The following AP2A2 variants were observed in gnomAD, a reference collection of about 807,000 sequenced individuals.
AP2A2 encodes the protein AP-2 complex subunit alpha-2.
Under a neutral mutation model 104.2 loss-of-function variants are expected in AP2A2, and 32 were observed. That is an observed-to-expected ratio of 0.31 (90% confidence interval 0.23 to 0.41). The LOEUF (loss-of-function observed/expected upper bound fraction) is 0.41. Among genes scored for constraint, AP2A2 ranks in the 10% least tolerant of loss-of-function variants. The pLI, the probability that AP2A2 is intolerant of heterozygous loss-of-function variation, is 1.00. For missense variants in AP2A2, 912 were observed against 1,261.0 expected (o/e 0.72, Z 4.19); for synonymous variants, 539 against 533.3 (o/e 1.01, Z -0.15).
intron 1 of AP2A2, among the ~76,000 whole-genome samples, chr11:947,277 C>T (rs1420664809): frequency 6.6e-6 from 1 of 152,124 alleles, no homozygotes; most frequent in Non-Finnish European, 1.5e-5. Context: ...TCCCAAAGAG[C>T]TGAGATTGCA....
chr11:1,010,010 C>G (rs1856366777), intron 21 of AP2A2, 193 bp downstream of exon 21: 1 of 614,194 alleles, frequency 1.6e-6, no homozygotes, highest in African/African-American at 1.8e-5. Context: ...ATCCCTAGTG[C>G]AGTTCAGTCA....
At chr11:1,008,433 C>G (rs981035995) in intron 18 of AP2A2, 1 of 348,868 alleles carries the variant, frequency 2.9e-6, no homozygotes, top group Admixed American at 4.4e-5. Flanking sequence ...CCAGGGCCCC[C>G]GCGCCACCTG....
At chr11:932,664 A>C (rs188638387) in intron 1 of AP2A2, 25 of 455,680 alleles carry the variant, frequency 5.5e-5, no homozygotes, top group South Asian at 3.4e-4. Context: ...GTGGCTATGG[A>C]GAGAAGGAAG....
At chr11:1,004,117 GA>G (rs1240904168) in intron 16 of AP2A2, among the ~76,000 whole-genome samples, 1 of 152,156 alleles carries the variant, frequency 6.6e-6, no homozygotes, top group Non-Finnish European at 1.5e-5. Context: ...ACAAAGTCAC[GA>G]GGGAAGTGCC....
chr11:984,723 C>A lies in AP2A2; in HGVS notation c.784C>A (p.Leu262Met). The A allele has an allele frequency of 1.2e-6, 2 of 1,613,184 alleles. No individual in the cohort carries two copies. Among genetic ancestry groups the A allele is most frequent in the Non-Finnish European group, 1.7e-6 (2 of 1,179,600 alleles). ...GGCTCCCTGGCTGTCTGTCAAACTGCTGAGACTGCTGCAGTGCTACCCACC... is the reference window on the plus strand; with the variant it reads ...GGCTCCCTGGCTGTCTGTCAAACTGATGAGACTGCTGCAGTGCTACCCACC... ...VPAPWLSVKL[L>M]RLLQCYPPPD... Residue 262 changes from leucine (L) to methionine (M), a missense_variant, in exon 7 of 22, where the codon CTG becomes ATG. By Grantham distance (15) the Leu-to-Met change is conservative. This residue lies in a region of AP2A2 where 350 missense variants were observed against 487.0 expected (regional missense o/e 0.72). Coordinates refer to ENST00000448903, the MANE Select transcript of AP2A2 (RefSeq NM_012305.4).
intron 1 of AP2A2, chr11:940,826 A>C (rs1196039670): frequency 2.2e-6 from 1 of 456,174 alleles, no homozygotes; most frequent in South Asian, 1.5e-5. Flanking sequence ...CTGCAGGGTG[A>C]GGTCTGAGGA....
chr11:933,643 A>T (rs1396375283), intron 1 of AP2A2: 4 of 456,094 alleles, frequency 8.8e-6, no homozygotes, highest in African/African-American at 8.0e-5. Context: ...TGGAGACTTG[A>T]ATTGGGAAGA....
rs117402750 is a variant in AP2A2, at chr11:993,301, G to T, written c.1470G>T (p.Ala490=). 3.1e-4 allele frequency: 504 copies of T among 1,610,422 alleles called. 9 individuals are homozygous for T. In the South Asian group the frequency reaches 5.0e-3, roughly 16 times the overall value. The part of the protein sequence containing the change: ...KTVFEALQAP[A]CHENLVKVGG... Reference sequence around the variant, plus strand: ...CTTCGCAGGCTCTTCAGGCTCCCGCGTGCCACGAGAACCTGGTCAAAGTGG... The same window carrying T: ...CTTCGCAGGCTCTTCAGGCTCCCGCTTGCCACGAGAACCTGGTCAAAGTGG... The change falls in exon 12 of 22, where the codon GCG becomes GCT. Residue 490 remains alanine (A), a synonymous_variant. Transcript: ENST00000448903. This position sits in a 1 kb window ranked among gnomAD's most constrained non-coding sequence, Gnocchi z 8.2.
At chr11:976,975 C>T in intron 4 of AP2A2, 120 bp from the exon 5 acceptor site, 2 of 1,390,666 alleles carry the variant, frequency 1.4e-6, no homozygotes, top group Non-Finnish European at 9.8e-7. Flanking sequence ...GCCCTGAGTG[C>T]TGTCTTGGCC....
intron 6 of AP2A2, among the ~76,000 whole-genome samples, chr11:982,216 A>G (rs780984889): frequency 6.6e-6 from 1 of 152,022 alleles, no homozygotes; most frequent in South Asian, 2.1e-4. Flanking sequence ...AAGCCTGGCT[A>G]ATTTTTGTAT....
At chr11:990,200 C>T (rs1233959426) in intron 10 of AP2A2, among the ~76,000 whole-genome samples, 1 of 152,210 alleles carries the variant, frequency 6.6e-6, no homozygotes, top group Admixed American at 6.5e-5. Context: ...GTCCACCCTC[C>T]AGGACAGTGG....
intron 1 of AP2A2, among the ~76,000 whole-genome samples, chr11:941,861 A>G (rs1366265748): frequency 3.3e-5 from 5 of 152,126 alleles, no homozygotes; most frequent in Non-Finnish European, 7.3e-5. Context: ...TGGTGGGATT[A>G]CAAGCATGAA....
intron 15 of AP2A2, among the ~76,000 whole-genome samples, chr11:1,001,104 C>A (rs1856016696): frequency 6.6e-6 from 1 of 152,240 alleles, no homozygotes; most frequent in Non-Finnish European, 1.5e-5. Flanking sequence ...CGGCCTCCAC[C>A]CTGTGGTTCC....
chr11:971,781 G>C (rs1181975370), intron 3 of AP2A2, among the ~76,000 whole-genome samples: 2 of 152,222 alleles, frequency 1.3e-5, no homozygotes, highest in Non-Finnish European at 2.9e-5. Context: ...TGGGACCGGG[G>C]GGTCCAGTTC....
At chr11:971,894 A>G (rs1262507644) in intron 3 of AP2A2, among the ~76,000 whole-genome samples, 168 bp from the exon 4 acceptor site, 14 of 152,050 alleles carry the variant, frequency 9.2e-5, no homozygotes, top group Non-Finnish European at 4.4e-5. Flanking sequence ...ACTGGAACAG[A>G]CGTTTGCCGA....
chr11:988,479 G>A (rs1042874291), intron 9 of AP2A2, 73 bp from the exon 10 acceptor site: 27 of 1,560,636 alleles, frequency 1.7e-5, no homozygotes, highest in Middle Eastern at 2.1e-4. Context: ...TGCGGGTGCC[G>A]AGCCTGTCCC....
intron 14 of AP2A2, chr11:996,150 G>C (rs895029935): frequency 2.0e-5 from 3 of 152,288 alleles, no homozygotes. Flanking sequence ...GTGAGCTGCC[G>C]GAGCAGGGGC....
intron 1 of AP2A2, among the ~76,000 whole-genome samples, chr11:934,958 A>G (rs1201788884): frequency 6.6e-6 from 1 of 151,804 alleles, no homozygotes; most frequent in East Asian, 1.9e-4. Flanking sequence ...TCCTGGGTTC[A>G]AGCGATTCTC....
chr11:1,000,057 C>T (rs530156550), intron 14 of AP2A2, among the ~76,000 whole-genome samples: 12 of 152,220 alleles, frequency 7.9e-5, no homozygotes, highest in Admixed American at 4.6e-4. Context: ...CCGCCCACCT[C>T]GGCCTCCCAA....
Sources: gnomAD v4.1 joint callset for allele counts (sites outside exome capture counted in the v4.1 genomes callset) on GRCh38, gnomAD v4.1.1 for gene constraint, gnomAD v4.1.1 regional missense constraint, Gnocchi (gnomAD v3.1) non-coding constraint, MANE v1.5 for transcripts, NCBI Gene and HGNC (gene_info 2026-07-23, HGNC 2026-07-21) for gene names.